PPP2R2B: variants seen among roughly 807,000 people sequenced by gnomAD.
The protein encoded by PPP2R2B is protein phosphatase 2 regulatory subunit Bbeta, also known as serine/threonine-protein phosphatase 2A 55 kDa regulatory subunit B beta isoform.
In PPP2R2B, 5 loss-of-function variants were observed where a neutral mutation model predicts 46.0. That is an observed-to-expected ratio of 0.11 (90% CI 0.06 to 0.23). PPP2R2B has a LOEUF of 0.23. Ranked by LOEUF, PPP2R2B falls within the 10% of genes least tolerant of loss-of-function variation. The probability of loss-of-function intolerance (pLI) is 1.00; values close to 1 mark genes in which losing one functional copy is unlikely to be tolerated. For synonymous variants in PPP2R2B, 215 were observed against 206.7 expected (o/e 1.04, Z -0.34); for missense variants, 367 against 575.0 (o/e 0.64, Z 3.70).
chr5:146,854,096 T>G (rs770786077), intron 2 of PPP2R2B, among the ~76,000 whole-genome samples: 1 of 152,056 alleles, frequency 6.6e-6, no homozygotes, highest in Non-Finnish European at 1.5e-5. Context: ...ACCAGACACA[T>G]AGTAAGTGCA....
intron 7 of PPP2R2B, among the ~76,000 whole-genome samples, chr5:146,605,342 T>TCC (rs1389074048): frequency 6.6e-6 from 1 of 152,158 alleles, no homozygotes; most frequent in Non-Finnish European, 1.5e-5. Context: ...GCCTACCAGG[T>TCC]CCCTCCCAGC....
intron 2 of PPP2R2B, among the ~76,000 whole-genome samples, chr5:147,074,724 T>G (rs1757708904): frequency 6.6e-6 from 1 of 152,200 alleles, no homozygotes; most frequent in African/African-American, 2.4e-5. Context: ...AGTTAGAGGA[T>G]TCCTCTTTGC....
Position 146,625,316 on chromosome 5 carries a change from C to CTG in PPP2R2B, c.790+12933_790+12934dup, listed in dbSNP as rs199758783. ...ATAACAAGGTAGGTATTTTATTATA[C>CTG]TGTGTGTGTGTGTAATGTATTCTTA... On this transcript the variant is annotated intron_variant, in intron 7 of 9. Coordinates refer to ENST00000394411, the MANE Select transcript of PPP2R2B (RefSeq NM_181675.4). Among the ~76,000 whole-genome samples the CTG allele has an allele frequency of 6.6e-5, 10 of 151,764 alleles. No homozygotes were observed. In the East Asian group the frequency reaches 7.7e-4, roughly 12 times the overall value.
At chr5:146,700,939 C>T (rs781627223) in intron 3 of PPP2R2B, 106 bp downstream of exon 3, 19 of 1,026,784 alleles carry the variant, frequency 1.9e-5, no homozygotes, top group South Asian at 8.5e-5. Context: ...TTTTAGTTTT[C>T]GAGCAAAGCA....
chr5:146,597,776 A>G (rs1771331039), intron 8 of PPP2R2B, among the ~76,000 whole-genome samples: 1 of 152,188 alleles, frequency 6.6e-6, no homozygotes, highest in Admixed American at 6.6e-5. Context: ...TACTTATTTT[A>G]CTAAAGAAAA....
In PPP2R2B at chr5:146,925,270, A is replaced by T. The variant is rs80310654; in HGVS notation, c.79+130395T>A. On this transcript the variant is annotated intron_variant, in intron 1 of 8. Coordinates refer to the PPP2R2B transcript ENST00000336640. Reference sequence around the variant, plus strand: ...TTTTTTCCTGTGGATTTGTGCTATCATAGAGTACCATTTCCGGAAGGCCTT... The same window carrying T: ...TTTTTTCCTGTGGATTTGTGCTATCTTAGAGTACCATTTCCGGAAGGCCTT... 5.7e-3 allele frequency among the ~76,000 whole-genome samples: 862 copies of T among 152,310 alleles called. 29 individuals are homozygous for T. The East Asian group carries it at 0.068, about 12-fold the overall frequency.
intron 5 of PPP2R2B, among the ~76,000 whole-genome samples, chr5:146,660,724 A>G (rs929161201): frequency 6.6e-6 from 1 of 152,212 alleles, no homozygotes; most frequent in African/African-American, 2.4e-5. Flanking sequence ...ACAGATTGAA[A>G]TAAGCCTGAG....
chr5:146,691,464 A>G (rs982573303), intron 4 of PPP2R2B, among the ~76,000 whole-genome samples: 1 of 152,220 alleles, frequency 6.6e-6, no homozygotes, highest in Non-Finnish European at 1.5e-5. Flanking sequence ...GATTTCCCTG[A>G]TAATGGGCTC....
intron 7 of PPP2R2B, among the ~76,000 whole-genome samples, chr5:146,629,322 C>A (rs930988316): frequency 6.6e-6 from 1 of 152,180 alleles, no homozygotes; most frequent in Non-Finnish European, 1.5e-5. Context: ...AACTCAAGCA[C>A]CAAACCTACG....
At chr5:146,818,478 C>T (rs73793285) in intron 2 of PPP2R2B, among the ~76,000 whole-genome samples, 4,010 of 152,192 alleles carry the variant, frequency 0.026, 52 homozygotes, top group Middle Eastern at 0.044. Flanking sequence ...GTCCCCATCC[C>T]TGCCCCAAGA....
chr5:146,640,591 A>C (rs1418871948), intron 6 of PPP2R2B, among the ~76,000 whole-genome samples: 1 of 152,216 alleles, frequency 6.6e-6, no homozygotes, highest in African/African-American at 2.4e-5. Flanking sequence ...GTGCCTGTGA[A>C]CATGTTTCTC....
chr5:146,755,309 G>C (rs886833035), intron 2 of PPP2R2B, among the ~76,000 whole-genome samples: 42 of 152,262 alleles, frequency 2.8e-4, no homozygotes, highest in African/African-American at 1.0e-3. Context: ...TACTACTTTG[G>C]AATTTCATGG....
intron 1 of PPP2R2B, among the ~76,000 whole-genome samples, chr5:146,927,314 G>A (rs1002030516): frequency 2.0e-5 from 3 of 152,044 alleles, no homozygotes; most frequent in East Asian, 3.9e-4. Flanking sequence ...CTTGGGTTTT[G>A]ACTCGTCTCT....
chr5:146,955,338 G>A (rs1751837034), intron 1 of PPP2R2B, among the ~76,000 whole-genome samples: 2 of 152,210 alleles, frequency 1.3e-5, no homozygotes, highest in Non-Finnish European at 2.9e-5. Flanking sequence ...AGGTCTGGGT[G>A]TGGGCCTGAG....
At chr5:147,035,664 G>A (rs1028818859) in intron 1 of PPP2R2B, among the ~76,000 whole-genome samples, 4 of 152,198 alleles carry the variant, frequency 2.6e-5, no homozygotes, top group African/African-American at 7.2e-5. Flanking sequence ...ATTTACATCT[G>A]CCAAGGAGTT....
intron 2 of PPP2R2B, among the ~76,000 whole-genome samples, chr5:146,752,353 C>T (rs1753607305): frequency 6.6e-6 from 1 of 152,172 alleles, no homozygotes; most frequent in South Asian, 2.1e-4. Context: ...TATCATGATT[C>T]AGGTCTCCAT....
upstream of PPP2R2B, among the ~76,000 whole-genome samples, chr5:147,057,134 A>T (rs1157536296): frequency 6.6e-6 from 1 of 152,198 alleles, no homozygotes; most frequent in African/African-American, 2.4e-5. Flanking sequence ...AAACAAAGTC[A>T]TTAGAGTGCC....
chr5:146,654,695 G>A (rs1002454085), intron 5 of PPP2R2B, among the ~76,000 whole-genome samples: 3 of 152,182 alleles, frequency 2.0e-5, no homozygotes, highest in African/African-American at 7.2e-5. Context: ...GTATGAAAGT[G>A]AGTAGCCAGG....
intron 1 of PPP2R2B, among the ~76,000 whole-genome samples, chr5:146,935,748 G>A (rs891205307): frequency 1.3e-5 from 2 of 152,174 alleles, no homozygotes; most frequent in Admixed American, 1.3e-4. Flanking sequence ...TGTCTTCAGT[G>A]TAAAGTTTGG....
Sources: allele counts gnomAD v4.1 joint callset (sites outside exome capture counted in the v4.1 genomes callset), GRCh38; gene constraint gnomAD v4.1.1; transcripts MANE v1.5; gene names NCBI Gene and HGNC (gene_info 2026-07-23, HGNC 2026-07-21).